GRIK3: variants seen among roughly 807,000 people sequenced by gnomAD.
GRIK3 encodes glutamate ionotropic receptor kainate type subunit 3, also known as glutamate receptor ionotropic, kainate 3.
A neutral mutation model predicts 102.5 loss-of-function variants in GRIK3; 29 were observed. That is an observed-to-expected ratio of 0.28 (90% CI 0.21 to 0.39). GRIK3 has a LOEUF of 0.39. GRIK3 is among the 10% of genes least tolerant of loss of function. The pLI, the probability that GRIK3 is intolerant of heterozygous loss-of-function variation, is 1.00. For missense variants in GRIK3, 908 were observed against 1,252.4 expected, an observed-to-expected ratio of 0.73 and a Z score of 4.15; for synonymous variants, 511 against 504.9, an observed-to-expected ratio of 1.01 and a Z score of -0.16.
chr1:36,940,452 TA>T (rs1216018482), intron 1 of GRIK3, among the ~76,000 whole-genome samples: 1 of 152,230 alleles, frequency 6.6e-6, no homozygotes, highest in Non-Finnish European at 1.5e-5. Context: ...AAGTAATTAC[TA>T]ATACAACCCA....
intron 1 of GRIK3, among the ~76,000 whole-genome samples, chr1:36,933,165 T>A (rs918601632): frequency 6.6e-6 from 1 of 152,196 alleles, no homozygotes; most frequent in African/African-American, 2.4e-5. Context: ...TTCTAAACAG[T>A]CTGGCAGGCT....
chr1:36,891,116 T>G lies in GRIK3; in HGVS notation c.116-20A>C. 6.3e-7 allele frequency: 1 copy of G among 1,593,582 alleles called. No homozygotes were observed. Among genetic ancestry groups the G allele is most frequent in the Non-Finnish European group, 8.6e-7 (1 of 1,166,514 alleles). Reference sequence around the variant, plus strand: ...TTCCTCCTGTGAAAGATGAGTAAAATTGTGTGTGGTTGGGAGGAGGGATGG... The same window carrying G: ...TTCCTCCTGTGAAAGATGAGTAAAAGTGTGTGTGGTTGGGAGGAGGGATGG... On this transcript the variant is annotated intron_variant, in intron 1 of 15. Transcript: ENST00000373091.
At chr1:36,913,032 C>T (rs535895346) in intron 1 of GRIK3, among the ~76,000 whole-genome samples, 12 of 152,152 alleles carry the variant, frequency 7.9e-5, no homozygotes, top group South Asian at 2.1e-4. Context: ...AGCAGGGATC[C>T]GCTATTAGTA....
At chr1:37,006,505 G>T (rs1642534687) in intron 1 of GRIK3, among the ~76,000 whole-genome samples, 1 of 152,252 alleles carries the variant, frequency 6.6e-6, no homozygotes, top group South Asian at 2.1e-4. Flanking sequence ...TTTAAACACA[G>T]AGAAAACATT....
intron 1 of GRIK3, among the ~76,000 whole-genome samples, chr1:36,921,736 A>G (rs569802039): frequency 6.6e-6 from 1 of 152,118 alleles, no homozygotes. Context: ...GAAGTACATA[A>G]AATTATGTAT....
At chr1:36,814,319 G>A (rs1239631172) in intron 13 of GRIK3, among the ~76,000 whole-genome samples, 1 of 152,178 alleles carries the variant, frequency 6.6e-6, no homozygotes, top group African/African-American at 2.4e-5. Flanking sequence ...ATGGGTTCAT[G>A]CGTTATGCAT....
intron 12 of GRIK3, among the ~76,000 whole-genome samples, chr1:36,818,303 C>G (rs746733226): frequency 6.6e-6 from 1 of 152,110 alleles, no homozygotes. Context: ...CAACTGTCAC[C>G]GAACAAAGAC....
At chr1:37,014,536 G>T (rs1192059578) in intron 1 of GRIK3, among the ~76,000 whole-genome samples, 2 of 152,182 alleles carry the variant, frequency 1.3e-5, no homozygotes, top group African/African-American at 2.4e-5. Flanking sequence ...TGCCCCATCT[G>T]GTTTCTCCAG....
At chr1:36,901,081 G>T (rs761646297) in intron 1 of GRIK3, among the ~76,000 whole-genome samples, 2 of 152,086 alleles carry the variant, frequency 1.3e-5, no homozygotes, top group Non-Finnish European at 2.9e-5. Flanking sequence ...GGCCCAGATG[G>T]GTTCACTGGT....
At chr1:37,025,591 GGC>G (rs1642757615) in intron 1 of GRIK3, among the ~76,000 whole-genome samples, 2 of 152,124 alleles carry the variant, frequency 1.3e-5, no homozygotes. Context: ...CGCCCAATTG[GGC>G]AGCTTTTTGG....
At chr1:36,851,170 C>T (rs1322109358) in intron 8 of GRIK3, among the ~76,000 whole-genome samples, 1 of 151,384 alleles carries the variant, frequency 6.6e-6, no homozygotes, top group Non-Finnish European at 1.5e-5. Context: ...ACTCAGGACA[C>T]TTAATCAATT....
At chr1:37,027,107 G>C (rs1436045903) in intron 1 of GRIK3, among the ~76,000 whole-genome samples, 3 of 152,038 alleles carry the variant, frequency 2.0e-5, no homozygotes, top group African/African-American at 7.2e-5. Flanking sequence ...GGTCAATACT[G>C]TTAGTAAACA....
chr1:36,934,670 G>A (rs780055295), intron 1 of GRIK3, among the ~76,000 whole-genome samples: 4 of 152,180 alleles, frequency 2.6e-5, no homozygotes, highest in Non-Finnish European at 4.4e-5. Flanking sequence ...CCAGTGCCAC[G>A]TTGCTGGGGC....
intron 1 of GRIK3, among the ~76,000 whole-genome samples, chr1:36,892,899 A>G (rs1259274040): frequency 6.6e-6 from 1 of 152,238 alleles, no homozygotes; most frequent in Non-Finnish European, 1.5e-5. Flanking sequence ...AGTATTTAAA[A>G]CATGAGAAAG....
At chr1:36,836,413 G>A (rs938547005) in intron 10 of GRIK3, among the ~76,000 whole-genome samples, 5 of 152,256 alleles carry the variant, frequency 3.3e-5, no homozygotes, top group South Asian at 2.1e-4. Context: ...CTCTGTGTGC[G>A]TCCAGCCCAT....
chr1:36,981,504 A>G (rs371733763), intron 1 of GRIK3, among the ~76,000 whole-genome samples: 1 of 152,232 alleles, frequency 6.6e-6, no homozygotes. Flanking sequence ...GCCACACAGT[A>G]AGATGGAGAT....
At chr1:37,026,493 C>A (rs1642765610) in intron 1 of GRIK3, among the ~76,000 whole-genome samples, 1 of 152,178 alleles carries the variant, frequency 6.6e-6, no homozygotes, top group South Asian at 2.1e-4. Flanking sequence ...GGAGATGTGG[C>A]CCCACCCTTG....
At chr1:36,846,321 G>A (rs1437597414) in intron 9 of GRIK3, among the ~76,000 whole-genome samples, 1 of 152,206 alleles carries the variant, frequency 6.6e-6, no homozygotes, top group South Asian at 2.1e-4. Flanking sequence ...CCATCTGTCT[G>A]TCCAGGGTAA....
At chr1:36,854,142 C>T (rs1418640215) in intron 7 of GRIK3, among the ~76,000 whole-genome samples, 1 of 152,140 alleles carries the variant, frequency 6.6e-6, no homozygotes, top group Non-Finnish European at 1.5e-5. Context: ...GGCATAGCCC[C>T]CCGAAAGGCA....
Sources: gnomAD v4.1 joint callset for allele counts (sites outside exome capture counted in the v4.1 genomes callset) on GRCh38, gnomAD v4.1.1 for gene constraint, MANE v1.5 for transcripts, NCBI Gene and HGNC (gene_info 2026-07-23, HGNC 2026-07-21) for gene names.